Variants in SPAST observed in about 807,000 individuals in gnomAD.
The protein encoded by SPAST is spastin.
A neutral mutation model predicts 76.6 loss-of-function variants in SPAST; 30 were observed. The ratio of observed to expected loss-of-function variants is 0.39; its 90% CI spans 0.29 to 0.53. The LOEUF (loss-of-function observed/expected upper bound fraction) is 0.53. SPAST is among the 20% of genes least tolerant of loss of function. SPAST has a pLI of 0.68. For synonymous variants in SPAST, 305 were observed against 281.0 expected (o/e 1.09, Z -0.86); for missense variants, 717 against 770.5 (o/e 0.93, Z 0.82).
At chr2:32,097,085 C>T (rs942512049) in intron 3 of SPAST, among the ~76,000 whole-genome samples, 3 of 152,164 alleles carry the variant, frequency 2.0e-5, no homozygotes, top group Admixed American at 6.5e-5. Context: ...ATAGGTGCTG[C>T]ATTTTTTATG....
intron 3 of SPAST, among the ~76,000 whole-genome samples, chr2:32,097,960 A>T (rs898518299): frequency 4.6e-5 from 7 of 151,708 alleles, no homozygotes; most frequent in Non-Finnish European, 1.0e-4. Flanking sequence ...AGCCTCCCAA[A>T]GTGCTGGGAT....
chr2:32,127,275 A>C, intron 8 of SPAST: 1 of 466,666 alleles, frequency 2.1e-6, no homozygotes, highest in South Asian at 2.2e-5. Flanking sequence ...ACGCCACCAC[A>C]CCTGTCTAGG....
intron 8 of SPAST, chr2:32,127,307 A>G: frequency 2.5e-6 from 1 of 393,642 alleles, no homozygotes; most frequent in Non-Finnish European, 4.8e-6. Flanking sequence ...TGGCAGAGAC[A>G]GGATTTCGCC....
chr2:32,118,539 T>C (rs1678917764), intron 7 of SPAST, among the ~76,000 whole-genome samples: 1 of 152,176 alleles, frequency 6.6e-6, no homozygotes, highest in African/African-American at 2.4e-5. Flanking sequence ...TATATAAGAT[T>C]AGTAAATGCT....
chr2:32,104,005 C>T (rs999891303), intron 4 of SPAST, among the ~76,000 whole-genome samples: 1 of 152,104 alleles, frequency 6.6e-6, no homozygotes, highest in Non-Finnish European at 1.5e-5. Context: ...GAGCTGAGTT[C>T]AGTTCCTGGA....
intron 4 of SPAST, among the ~76,000 whole-genome samples, chr2:32,100,565 C>A (rs1678082603): frequency 6.6e-6 from 1 of 152,026 alleles, no homozygotes; most frequent in Non-Finnish European, 1.5e-5. Context: ...CACCCATTAA[C>A]TTGTCATTTA....
intron 1 of SPAST, among the ~76,000 whole-genome samples, chr2:32,079,764 G>T (rs1677128408): frequency 6.6e-6 from 1 of 152,060 alleles, no homozygotes; most frequent in Non-Finnish European, 1.5e-5. Context: ...TCACCATGTG[G>T]TTCACCATCT....
At chr2:32,068,808 C>T (rs1317505991) in intron 1 of SPAST, among the ~76,000 whole-genome samples, 9 of 151,440 alleles carry the variant, frequency 5.9e-5, no homozygotes, top group South Asian at 2.1e-4. Context: ...GCAGGAGAAT[C>T]GCTTGAACCC....
intron 12 of SPAST, among the ~76,000 whole-genome samples, chr2:32,139,460 A>T (rs1679645831): frequency 6.6e-6 from 1 of 152,232 alleles, no homozygotes; most frequent in Non-Finnish European, 1.5e-5. Context: ...AATTAGTACC[A>T]TTTCTATACG....
intron 3 of SPAST, among the ~76,000 whole-genome samples, chr2:32,095,143 G>T (rs1006255596): frequency 1.3e-5 from 2 of 152,206 alleles, no homozygotes; most frequent in African/African-American, 2.4e-5. Context: ...CACCAGGGTA[G>T]TATCAGGAGA....
In SPAST at chr2:32,064,326, C is replaced by T. The variant is rs1346095907; in HGVS notation, c.415+80C>T. 3 of 1,313,614 alleles carry T rather than the reference C, an allele frequency of 2.3e-6. 1 individual carries two copies. The South Asian group carries it at 3.8e-5, about 17-fold the overall frequency. The allele number at this position is 1,313,614 out of a possible 1,614,324, so 81.4% of individuals were successfully genotyped here. ...CGCCGGGGGAGGGCAACACCTGCGTCCCTTTTCTGCGGGAGGGGACGGTGC... is the reference window on the plus strand; with the variant it reads ...CGCCGGGGGAGGGCAACACCTGCGTTCCTTTTCTGCGGGAGGGGACGGTGC... On this transcript the variant is annotated intron_variant, in intron 1 of 16. Transcript: ENST00000315285.
chr2:32,076,363 C>T (rs1303105628), intron 1 of SPAST, among the ~76,000 whole-genome samples: 1 of 152,044 alleles, frequency 6.6e-6, no homozygotes, highest in South Asian at 2.1e-4. Context: ...AAAGCAAATA[C>T]AATCTTTTTA....
chr2:32,078,136 G>T (rs1359727063), intron 1 of SPAST, among the ~76,000 whole-genome samples: 1 of 151,140 alleles, frequency 6.6e-6, no homozygotes, highest in African/African-American at 2.4e-5. Context: ...GACTACAGGC[G>T]CCCGCCACTA....
At chr2:32,133,517 A>G (rs1679437521) in intron 9 of SPAST, among the ~76,000 whole-genome samples, 1 of 152,180 alleles carries the variant, frequency 6.6e-6, no homozygotes. Context: ...GTGTATGTGT[A>G]TTTGGCTTCT....
At chr2:32,097,346 A>C (rs942430904) in intron 3 of SPAST, among the ~76,000 whole-genome samples, 1 of 152,194 alleles carries the variant, frequency 6.6e-6, no homozygotes, top group African/African-American at 2.4e-5. Context: ...GACGTATGTC[A>C]CAAAATTTTA....
rs1258778776 is a variant in SPAST at position 32,147,656 on chromosome 2, G to A, written c.1728+398G>A. Reference sequence around the variant, plus strand: ...TTTGTTTGTTTGTTTGTTTGAGACGGAGTCTCACTCTGTCGCCCAGACTGG... The same window carrying A: ...TTTGTTTGTTTGTTTGTTTGAGACGAAGTCTCACTCTGTCGCCCAGACTGG... On this transcript the variant is annotated intron_variant, in intron 16 of 16. Transcript: ENST00000315285. Among the ~76,000 whole-genome samples, 4 of 114,392 alleles carry A rather than the reference G, an allele frequency of 3.5e-5. 1 individual carries two copies. Among genetic ancestry groups the A allele is most frequent in the Non-Finnish European group, 7.5e-5 (4 of 53,538 alleles). 75.0% of individuals were successfully genotyped at this position (114,392 alleles called of 152,430 possible). A position where few individuals can be genotyped will look rare whatever the true frequency, so the allele number is the denominator to read the frequency against.
rs552702723 is a variant in SPAST, at chr2:32,148,519, A to C, written c.1728+1261A>C. ...AAACCCTGTCTCTATCAAAAATACAAAAAAATTAGGCCGGGGGCGGTGGCT... is the reference window on the plus strand; with the variant it reads ...AAACCCTGTCTCTATCAAAAATACACAAAAATTAGGCCGGGGGCGGTGGCT... On this transcript the variant is annotated intron_variant, in intron 16 of 16. Transcript: ENST00000315285. 2.0e-5 allele frequency among the ~76,000 whole-genome samples: 3 copies of C among 151,990 alleles called. No homozygotes were observed. The East Asian group carries it at 5.8e-4, about 29-fold the overall frequency.
intron 1 of SPAST, among the ~76,000 whole-genome samples, chr2:32,072,864 A>G (rs958301372): frequency 6.6e-6 from 1 of 152,200 alleles, no homozygotes; most frequent in African/African-American, 2.4e-5. Context: ...GGGCCTAATG[A>G]TTCTACTTTG....
chr2:32,086,784 A>C (rs1677499454), intron 1 of SPAST, among the ~76,000 whole-genome samples: 1 of 152,162 alleles, frequency 6.6e-6, no homozygotes, highest in South Asian at 2.1e-4. Context: ...AAGTCTAAGA[A>C]GTTAATTTTC....
Sources: allele counts gnomAD v4.1 joint callset (sites outside exome capture counted in the v4.1 genomes callset), GRCh38; gene constraint gnomAD v4.1.1; transcripts MANE v1.5; gene names NCBI Gene and HGNC (gene_info 2026-07-23, HGNC 2026-07-21).